The following STRN4 variants were observed in gnomAD, a reference collection of about 807,000 sequenced individuals.
STRN4 encodes the protein striatin 4.
In STRN4, 27 loss-of-function variants were observed where a neutral mutation model predicts 77.9. The observed-to-expected ratio is 0.35, with a 90% CI of 0.26 to 0.48. The LOEUF (loss-of-function observed/expected upper bound fraction) is 0.48, where lower values mean the gene tolerates loss of function less well. Among genes scored for constraint, STRN4 ranks in the 20% least tolerant of loss-of-function variants. The pLI is 0.99. For missense variants in STRN4, 798 were observed against 1,049.7 expected, an observed-to-expected ratio of 0.76 and a Z score of 3.31; for synonymous variants, 466 against 443.1, an observed-to-expected ratio of 1.05 and a Z score of -0.65.
chr19:46,724,642 C>A (rs2054063543), intron 12 of STRN4, among the ~76,000 whole-genome samples, 165 bp downstream of exon 12: 1 of 152,282 alleles, frequency 6.6e-6, no homozygotes, highest in Admixed American at 6.5e-5. Context: ...CGTCCCTTGG[C>A]CACGCGCTGC....
Position 46,725,220 on chromosome 19 carries a change from G to A in STRN4, c.1472+112C>T, listed in dbSNP as rs889624274. 6.2e-6 allele frequency: 9 copies of A among 1,447,588 alleles called. No individual in the cohort carries two copies. The East Asian group carries it at 6.8e-5, about 11-fold the overall frequency. The allele number at this position is 1,447,588 out of a possible 1,614,324, so 89.7% of individuals were successfully genotyped here. ...ATCATGAAGGGGGCGGGGACTCAGA[G>A]CCCCCTGCTGTCCTGCCTCCTGCCG... On this transcript the variant is annotated intron_variant, in intron 11 of 17. Coordinates refer to ENST00000263280, the MANE Select transcript of STRN4 (RefSeq NM_013403.3).
Position 46,722,918 on chromosome 19 carries a change from T to C in STRN4, c.1798A>G (p.Ser600Gly), listed in dbSNP as rs779473945. ...GCCACGATGTGGGCAGGCTCGGTGC[T>C]GGTGAAGGCCACTGAGGTGGGGACC... ...HGVPTSVAFTSTEPAHIVASF... is the reference protein window; with the variant it reads ...HGVPTSVAFTGTEPAHIVASF... The change falls in exon 14 of 18, where the codon AGC (serine) becomes GGC (glycine). Residue 600 changes from serine to glycine, a missense_variant. Physicochemically the swap from Ser to Gly is moderately conservative, Grantham distance 56. Transcript: ENST00000263280. 1 of 1,613,920 alleles carries C rather than the reference T, an allele frequency of 6.2e-7. No individual in the cohort carries two copies. The highest frequency in any genetic ancestry group is 8.5e-7 in the Non-Finnish European group (1 of 1,180,014).
In STRN4 at chr19:46,720,134, C is replaced by T. The variant is rs2053942031; in HGVS notation, c.*271G>A. The T allele has an allele frequency of 6.5e-6, 1 of 153,948 alleles. No homozygotes were observed. Among genetic ancestry groups the T allele is most frequent in the African/African-American group, 2.4e-5 (1 of 41,502 alleles). The allele number at this position is 153,948 out of a possible 1,614,324, so 9.5% of individuals were successfully genotyped here. ...TGCCCTCTGGAAAGCAGCTCTGATA[C>T]CAGGAGCGGCTGTCAGGGCACAGGG... On this transcript the variant is annotated 3_prime_UTR_variant, in exon 18 of 18. Transcript: ENST00000263280.
At chr19:46,732,306 G>C (rs554738005) in intron 5 of STRN4, 1 of 152,498 alleles carries the variant, frequency 6.6e-6, no homozygotes, top group Admixed American at 6.5e-5. Context: ...CCCGCTGCTC[G>C]AAAGCACTGG....
In STRN4 at chr19:46,727,481, C is replaced by T. The variant is rs987018142; in HGVS notation, c.1219G>A (p.Val407Ile). Residue 407 changes from valine (V) to isoleucine (I), a missense_variant, in exon 9 of 18, where the codon GTC becomes ATC. By Grantham distance (29) the Val-to-Ile change is conservative. Coordinates refer to ENST00000263280, the MANE Select transcript of STRN4 (RefSeq NM_013403.3). ...CAGCTGAGGTCGTTGTCGTTGGTGA[C>T]GGTGAGATCTGCCAAGTCCCCCAGG... ...VSLGDLADLTVTNDNDLSCDL... is the reference protein window; with the variant it reads ...VSLGDLADLTITNDNDLSCDL... 27 of 1,613,936 alleles carry T rather than the reference C, an allele frequency of 1.7e-5. No individual in the cohort carries two copies. Among genetic ancestry groups the T allele is most frequent in the South Asian group, 8.8e-5 (8 of 91,072 alleles).
intron 1 of STRN4, among the ~76,000 whole-genome samples, chr19:46,742,886 A>G (rs1599899251): frequency 6.6e-6 from 1 of 152,154 alleles, no homozygotes; most frequent in Admixed American, 6.5e-5. Flanking sequence ...AAACACATCC[A>G]TTCTACTATT....
Position 46,736,887 on chromosome 19 carries a change from C to A in STRN4, c.475G>T (p.Val159Leu), listed in dbSNP as rs201535838. 6.8e-6 allele frequency: 11 copies of A among 1,612,682 alleles called. No homozygotes were observed. Among genetic ancestry groups the A allele is most frequent in the Admixed American group, 6.7e-5 (4 of 59,882 alleles). ...CTGTTCTCCAGGGTGACCGATTCCA[C>A]GGGGCCATTGGAGACTGGCGGGTGA... is the stretch of plus-strand genomic sequence containing the variant. Reference protein sequence around the residue: ...DVSEQVSNGPVESVTLENSPL... With the variant: ...DVSEQVSNGPLESVTLENSPL... The change falls in exon 4 of 18, where the codon GTG becomes TTG. Residue 159 changes from valine to leucine, a missense_variant. Around this residue, in one of 2 missense-constraint regions of STRN4, gnomAD observed 511 missense variants for 575.9 expected, o/e 0.89. Transcript: ENST00000263280.
chr19:46,746,217 TAA>T lies in STRN4; in HGVS notation c.212_213del (p.Phe71TyrfsTer63). On this transcript the variant is annotated frameshift_variant, in exon 1 of 18. Transcript: ENST00000263280. LOFTEE classifies it high-confidence loss of function. The part of the protein sequence containing the change: ...EPLSLPGILH[F>X]IQHEWARFEA... ...TCGAAGCGCGCCCACTCGTGCTGGATAAAGTGCAGGATCCCCGGCAGGCTCAG... is the reference window on the plus strand; with the variant it reads ...TCGAAGCGCGCCCACTCGTGCTGGATAGTGCAGGATCCCCGGCAGGCTCAG... 1 of 1,536,722 alleles carries T rather than the reference TAA, an allele frequency of 6.5e-7. No homozygotes were observed. Among genetic ancestry groups the T allele is most frequent in the Non-Finnish European group, 8.7e-7 (1 of 1,150,492 alleles).
chr19:46,720,535 C>T lies in STRN4; in HGVS notation c.*66+1G>A, dbSNP rs925455998. On this transcript the variant is annotated splice_donor_variant, in intron 17 of 17. Coordinates refer to ENST00000263280, the MANE Select transcript of STRN4 (RefSeq NM_013403.3). LOFTEE classifies it low-confidence loss of function (3UTR_SPLICE). ...TCAGAATGCGGGGTTTCTGCCCTCA[C>T]CTCAGCCCCACCTGCCCGGCCCTAC... The T allele has an allele frequency of 1.4e-6, 2 of 1,469,820 alleles. No individual in the cohort carries two copies. Among genetic ancestry groups the T allele is most frequent in the African/African-American group, 1.4e-5 (1 of 70,750 alleles). The allele number at this position is 1,469,820 out of a possible 1,614,324, so 91.0% of individuals were successfully genotyped here. A position where few individuals can be genotyped will look rare whatever the true frequency, so the allele number is the denominator to read the frequency against.
Position 46,736,807 on chromosome 19 carries a change from C to T in STRN4, c.539+16G>A. The T allele has an allele frequency of 6.2e-7, 1 of 1,611,466 alleles. No homozygotes were observed. Among genetic ancestry groups the T allele is most frequent in the Non-Finnish European group, 8.5e-7 (1 of 1,178,670 alleles). ...CGTGTCACGTGTCCCCAGCCCCCCTCCCCGAGCACACTCACTGTCGGAGAA... is the reference window on the plus strand; with the variant it reads ...CGTGTCACGTGTCCCCAGCCCCCCTTCCCGAGCACACTCACTGTCGGAGAA... On this transcript the variant is annotated intron_variant, in intron 4 of 17. Coordinates refer to ENST00000263280, the MANE Select transcript of STRN4 (RefSeq NM_013403.3).
chr19:46,722,394 C>T, intron 14 of STRN4, 54 bp from the exon 15 acceptor site: 1 of 1,563,330 alleles, frequency 6.4e-7, no homozygotes, highest in South Asian at 1.1e-5. Context: ...TCAGGAAGAC[C>T]AGAACAGAGG....
At chr19:46,737,301 T>G (rs886916016) in intron 3 of STRN4, among the ~76,000 whole-genome samples, 1 of 152,242 alleles carries the variant, frequency 6.6e-6, no homozygotes, top group South Asian at 2.1e-4. Context: ...AGCATCTCCC[T>G]CTTGGGAGTG....
intron 9 of STRN4, among the ~76,000 whole-genome samples, chr19:46,726,950 A>G (rs2054131277): frequency 6.6e-6 from 1 of 152,046 alleles, no homozygotes; most frequent in African/African-American, 2.4e-5. Flanking sequence ...CCCTTCCTGA[A>G]TCTCACAGCA....
intron 1 of STRN4, among the ~76,000 whole-genome samples, chr19:46,744,063 T>A (rs866183902): frequency 9.2e-5 from 14 of 152,082 alleles, no homozygotes; most frequent in Admixed American, 2.6e-4. Context: ...GAATATCCTT[T>A]ATCCTCCCAG....
Position 46,746,354 on chromosome 19 carries a change from G to C in STRN4, c.77C>G (p.Pro26Arg). 8.2e-7 allele frequency: 1 copy of C among 1,223,656 alleles called. No homozygotes were observed. Among genetic ancestry groups the C allele is most frequent in the Non-Finnish European group, 1.0e-6 (1 of 985,440 alleles). 75.8% of individuals were successfully genotyped at this position (1,223,656 alleles called of 1,614,324 possible). Residue 26 changes from proline to arginine, a missense_variant, in exon 1 of 18, where the codon CCT (proline) becomes CGT (arginine). Transcript: ENST00000263280. ...SCRPLGSGAGPGPTGAAPVSA... is the reference protein window; with the variant it reads ...SCRPLGSGAGRGPTGAAPVSA... ...GACCGGGGCCGCCCCAGTGGGGCCA[G>C]GGCCCGCGCCTGAGCCGAGCGGACG...
chr19:46,729,652 C>A (rs1254915809), intron 6 of STRN4, among the ~76,000 whole-genome samples: 1 of 152,192 alleles, frequency 6.6e-6, no homozygotes, highest in African/African-American at 2.4e-5. Context: ...CTCTGAGGGG[C>A]ACACGAGTGG....
Position 46,727,440 on chromosome 19 carries a change from C to T in STRN4, c.1248+12G>A, listed in dbSNP as rs111964144. The T allele has an allele frequency of 3.3e-4, 534 of 1,611,038 alleles. 2 individuals are homozygous for T. In the African/African-American group the frequency reaches 5.7e-3, roughly 17 times the overall value. On this transcript the variant is annotated intron_variant, in intron 9 of 17. Coordinates refer to ENST00000263280, the MANE Select transcript of STRN4 (RefSeq NM_013403.3). ...CAATGGGGACAGTGTGGGGGGCACC[C>T]GGAGAACTTACATCGCAGCTGAGGT... is the stretch of plus-strand genomic sequence containing the variant.
At chr19:46,725,798 C>G in intron 9 of STRN4, 150 bp from the exon 10 acceptor site, 2 of 985,230 alleles carry the variant, frequency 2.0e-6, no homozygotes, top group Non-Finnish European at 2.9e-6. Flanking sequence ...GGGAACTCTC[C>G]CCTTCCTCTG....
At chr19:46,725,765 C>T (rs1416170553) in intron 9 of STRN4, 117 bp from the exon 10 acceptor site, 1 of 1,326,814 alleles carries the variant, frequency 7.5e-7, no homozygotes, top group African/African-American at 1.5e-5. Flanking sequence ...GGCAGGAATG[C>T]CCTCAGAGCC....
Sources: gnomAD v4.1 joint callset for allele counts (sites outside exome capture counted in the v4.1 genomes callset) on GRCh38, gnomAD v4.1.1 for gene constraint, gnomAD v4.1.1 regional missense constraint, MANE v1.5 for transcripts, NCBI Gene and HGNC (gene_info 2026-07-23, HGNC 2026-07-21) for gene names.